HECTD4: variants seen among roughly 807,000 people sequenced by gnomAD.
The protein encoded by HECTD4 is HECT domain E3 ubiquitin protein ligase 4, also known as probable E3 ubiquitin-protein ligase HECTD4.
A neutral mutation model predicts 471.5 loss-of-function variants in HECTD4; 114 were observed. The ratio of observed to expected loss-of-function variants is 0.24; its 90% CI spans 0.21 to 0.28. HECTD4 has a LOEUF of 0.28. Among genes scored for constraint, HECTD4 ranks in the 10% least tolerant of loss-of-function variants. The pLI is 1.00. For synonymous variants in HECTD4, 2,012 were observed against 2,256.0 expected, an observed-to-expected ratio of 0.89 and a Z score of 3.07; for missense variants, 3,866 against 5,651.5, an observed-to-expected ratio of 0.68 and a Z score of 10.13.
intron 70 of HECTD4, among the ~76,000 whole-genome samples, 171 bp from the exon 71 acceptor site, chr12:112,168,088 G>A (rs1199929129): frequency 6.6e-6 from 1 of 152,202 alleles, no homozygotes; most frequent in African/African-American, 2.4e-5. Context: ...GTCCAATCCT[G>A]CTCTCCACTC....
At chr12:112,180,635 C>A (rs2031633968) in intron 62 of HECTD4, among the ~76,000 whole-genome samples, 1 of 151,746 alleles carries the variant, frequency 6.6e-6, no homozygotes, top group Non-Finnish European at 1.5e-5. Context: ...AGACCAGGTA[C>A]CATATGTGGA....
intron 20 of HECTD4, among the ~76,000 whole-genome samples, chr12:112,257,383 G>A (rs952368279): frequency 1.3e-5 from 2 of 152,182 alleles, no homozygotes; most frequent in African/African-American, 4.8e-5. Context: ...CTGCTCTAGA[G>A]AAACCCAGGA....
chr12:112,312,822 T>C (rs568353694), intron 4 of HECTD4, among the ~76,000 whole-genome samples, 195 bp downstream of exon 4: 2 of 152,134 alleles, frequency 1.3e-5, no homozygotes, highest in Non-Finnish European at 2.9e-5. Flanking sequence ...ATAAAACCTA[T>C]CCATTTTCTT....
intron 2 of HECTD4, among the ~76,000 whole-genome samples, chr12:112,316,632 G>A (rs562238391): frequency 2.0e-5 from 3 of 152,124 alleles, no homozygotes; most frequent in Non-Finnish European, 2.9e-5. Context: ...CCCTAAGACC[G>A]GGCAAGATTC....
At chr12:112,343,732 C>G (rs377108513) in intron 1 of HECTD4, among the ~76,000 whole-genome samples, 9 of 151,856 alleles carry the variant, frequency 5.9e-5, no homozygotes, top group East Asian at 5.8e-4. Context: ...GATCACGCCA[C>G]TATACTGCAG....
At position 112,308,852 on chromosome 12, in the gene HECTD4, T is replaced by C; in HGVS notation, c.1065A>G (p.Gly355=). 2 of 1,536,058 alleles carry C rather than the reference T, an allele frequency of 1.3e-6. No homozygotes were observed. The highest frequency in any genetic ancestry group is 2.4e-5 in the East Asian group (1 of 40,916). ...VYCRNEELEP[G]WVAFGSGSLL... Reference sequence around the variant, plus strand: ...GACTGCCGCTGCCAAAAGCCACCCATCCTGGTTCCAACTCCTCGTTCCGGC... The same window carrying C: ...GACTGCCGCTGCCAAAAGCCACCCACCCTGGTTCCAACTCCTCGTTCCGGC... The change falls in exon 6 of 76, where the codon GGA becomes GGG. Residue 355 remains glycine, a synonymous_variant. Transcript: ENST00000682272.
chr12:112,375,093 C>G (rs2036752160), intron 1 of HECTD4, among the ~76,000 whole-genome samples: 1 of 152,190 alleles, frequency 6.6e-6, no homozygotes, highest in Non-Finnish European at 1.5e-5. Context: ...GCCTGCCTGC[C>G]TCTATCCCCA....
intron 68 of HECTD4, chr12:112,170,688 G>T: frequency 1.9e-6 from 1 of 523,632 alleles, no homozygotes. Context: ...TTGCAAAATG[G>T]AATGTAGAAA....
chr12:112,239,766 G>T lies in HECTD4; in HGVS notation c.5105+115C>A. On this transcript the variant is annotated intron_variant, in intron 33 of 75. Coordinates refer to ENST00000682272, the MANE Select transcript of HECTD4 (RefSeq NM_001388303.1). The surrounding 1 kb of genome is among the most constrained non-coding windows in gnomAD (Gnocchi z 4.9). ...TCTTTCAGGAGAAAAGTTTTGTATAGCTAGCTCTGGATAATGAAAGCAAAA... is the reference window on the plus strand; with the variant it reads ...TCTTTCAGGAGAAAAGTTTTGTATATCTAGCTCTGGATAATGAAAGCAAAA... The T allele has an allele frequency of 1.1e-6, 1 of 946,768 alleles. No individual in the cohort carries two copies. The highest frequency in any genetic ancestry group is 1.5e-6 in the Non-Finnish European group (1 of 664,636). The allele number at this position is 946,768 out of a possible 1,614,324, so 58.6% of individuals were successfully genotyped here. A position where few individuals can be genotyped will look rare whatever the true frequency, so the allele number is the denominator to read the frequency against.
At position 112,165,919 on chromosome 12, in the gene HECTD4, C is replaced by G. The variant is rs188546626; in HGVS notation, c.12534+1398G>C. ...GGTGGATGGACATTCGGGTCTAAGC[C>G]TGGAGTCTCCTTAGTAGCAACCTCC... On this transcript the variant is annotated intron_variant, in intron 72 of 75. Transcript: ENST00000682272. 3.3e-3 allele frequency among the ~76,000 whole-genome samples: 502 copies of G among 152,326 alleles called. 4 individuals carry two copies. The highest frequency in any genetic ancestry group is 0.013 in the South Asian group (64 of 4,830).
In HECTD4 at chr12:112,190,957, G is replaced by A; in HGVS notation, c.9301C>T (p.Pro3101Ser). ...DRVHIKLGVS[P>S]PPGAVLVLHS... Reference sequence around the variant, plus strand: ...AACACCAGGACTGCTCCAGGAGGTGGAGACACCCCTGCAAGAAGCACCCAG... The same window carrying A: ...AACACCAGGACTGCTCCAGGAGGTGAAGACACCCCTGCAAGAAGCACCCAG... The change falls in exon 60 of 76, where the codon CCA (proline) becomes TCA (serine). Residue 3101 changes from proline (P) to serine (S), a missense_variant. Around this residue, in one of 16 missense-constraint regions of HECTD4, gnomAD observed 364 missense variants for 413.2 expected, o/e 0.88. Transcript: ENST00000682272. 6.4e-7 allele frequency: 1 copy of A among 1,558,080 alleles called. No individual in the cohort carries two copies. The highest frequency in any genetic ancestry group is 8.7e-7 in the Non-Finnish European group (1 of 1,151,290).
At position 112,382,387 on chromosome 12, in the gene HECTD4, C is replaced by G. The variant is rs1311696598; in HGVS notation, c.-259G>C. On this transcript the variant is annotated 5_prime_UTR_variant, in exon 1 of 76. Transcript: ENST00000682272. ...TCAGGAGCAGGATCCGCCTCTGCCG[C>G]TCGGCAACCAACTGTCAGTGAGACG... The G allele has an allele frequency of 2.9e-6, 1 of 344,570 alleles. No individual in the cohort carries two copies. 21.3% of individuals were successfully genotyped at this position (344,570 alleles called of 1,614,324 possible).
At chr12:112,358,909 C>T (rs987814470) in intron 1 of HECTD4, among the ~76,000 whole-genome samples, 1 of 152,138 alleles carries the variant, frequency 6.6e-6, no homozygotes, top group Admixed American at 6.6e-5. Context: ...GGCGCGGTGG[C>T]TCATGCCTAT....
intron 17 of HECTD4, among the ~76,000 whole-genome samples, chr12:112,262,694 C>T (rs1405904252): frequency 2.0e-5 from 3 of 151,844 alleles, no homozygotes; most frequent in Admixed American, 2.0e-4. Context: ...GGGCTCCCTG[C>T]AACCTCCACC....
chr12:112,193,818 C>T lies in HECTD4; in HGVS notation c.8750-144G>A, dbSNP rs756464002. The T allele has an allele frequency of 3.6e-5, 25 of 704,086 alleles. No homozygotes were observed. The Admixed American group carries it at 3.7e-4, about 10-fold the overall frequency. The allele number at this position is 704,086 out of a possible 1,614,324, so 43.6% of individuals were successfully genotyped here. A position where few individuals can be genotyped will look rare whatever the true frequency, so the allele number is the denominator to read the frequency against. ...ATATGATGTCCTGGATAACAGATGC[C>T]GGCAATCAGATCCTCTGCACCAGGA... is the stretch of plus-strand genomic sequence containing the variant. On this transcript the variant is annotated intron_variant, in intron 56 of 75. Coordinates refer to ENST00000682272, the MANE Select transcript of HECTD4 (RefSeq NM_001388303.1). This position sits in a 1 kb window ranked among gnomAD's most constrained non-coding sequence, Gnocchi z 5.2.
chr12:112,216,191 G>T, intron 48 of HECTD4, 101 bp downstream of exon 48: 1 of 770,450 alleles, frequency 1.3e-6, no homozygotes, highest in Non-Finnish European at 2.2e-6. Flanking sequence ...ATGACAAACT[G>T]CCCATTTCCA....
chr12:112,167,785 CG>C (rs1566057884), intron 71 of HECTD4, 28 bp downstream of exon 71: 1 of 1,577,008 alleles, frequency 6.3e-7, no homozygotes, highest in South Asian at 1.1e-5. Flanking sequence ...AGCTCGGGGG[CG>C]TGGAGCCTCC....
chr12:112,176,770 C>G (rs1265641031), intron 64 of HECTD4, 68 bp from the exon 65 acceptor site: 3 of 1,192,384 alleles, frequency 2.5e-6, no homozygotes. Flanking sequence ...AAATACACAG[C>G]CTCATAGTCA....
intron 48 of HECTD4, among the ~76,000 whole-genome samples, chr12:112,214,095 A>G (rs2032843851): frequency 6.6e-6 from 1 of 152,202 alleles, no homozygotes; most frequent in East Asian, 1.9e-4. Context: ...AAGATAGACC[A>G]CTAAATTCCA....
Sources: gnomAD v4.1 joint callset for allele counts (sites outside exome capture counted in the v4.1 genomes callset) on GRCh38, gnomAD v4.1.1 for gene constraint, gnomAD v4.1.1 regional missense constraint, Gnocchi (gnomAD v3.1) non-coding constraint, MANE v1.5 for transcripts, NCBI Gene and HGNC (gene_info 2026-07-23, HGNC 2026-07-21) for gene names.